Variants in CFAP410 observed in about 807,000 individuals in gnomAD.
CFAP410 encodes the protein cilia and flagella associated protein 410.
CFAP410 carries 27 observed loss-of-function variants against 25.7 expected under a neutral mutation model. The ratio of observed to expected loss-of-function variants is 1.05; its 90% CI spans 0.77 to 1.45. The LOEUF (loss-of-function observed/expected upper bound fraction) is 1.45, where lower values mean the gene tolerates loss of function less well. Ranked by LOEUF, CFAP410 falls within the 40% of genes most tolerant of loss-of-function variation. The pLI is 0.00. For missense variants in CFAP410, 428 were observed against 354.1 expected (o/e 1.21, Z -1.67); for synonymous variants, 178 against 158.4 (o/e 1.12, Z -0.93).
Position 44,339,253 on chromosome 21 carries a change from C to T in CFAP410, c.-59G>A. On this transcript the variant is annotated 5_prime_UTR_variant, in exon 1 of 7. Transcript: ENST00000339818. The stretch of plus-strand genomic sequence containing the variant: ...CGGCCTCCTGATCCCGGGCGGGTGA[C>T]GACTGCGCGGCGCGTGTCTCCAGGG... The T allele has an allele frequency of 2.6e-6, 3 of 1,143,518 alleles. No individual in the cohort carries two copies. The highest frequency in any genetic ancestry group is 1.7e-5 in the African/African-American group (1 of 60,470). 70.8% of individuals were successfully genotyped at this position (1,143,518 alleles called of 1,614,324 possible).
intron 1 of CFAP410, chr21:44,338,508 C>A: frequency 2.8e-6 from 1 of 356,598 alleles, no homozygotes; most frequent in South Asian, 2.0e-5. Flanking sequence ...ACCCTGGGAA[C>A]GGCCGCCCCC....
In CFAP410 at chr21:44,333,221, T is replaced by C; in HGVS notation, c.185A>G (p.Gln62Arg). ...ISTLEPVSRC[Q>R]RLSELYLRRN... is the part of the protein sequence containing the mutation. ...CCGCAGGTACAGCTCACTCAGGCGC[T>C]GGCACCGGCTCACAGGCTCCAGGGT... Residue 62 changes from glutamine to arginine, a missense_variant, in exon 4 of 7, where the codon CAG (glutamine) becomes CGG (arginine). Transcript: ENST00000339818. The C allele has an allele frequency of 6.2e-7, 1 of 1,612,836 alleles. No homozygotes were observed. Among genetic ancestry groups the C allele is most frequent in the Non-Finnish European group, 8.5e-7 (1 of 1,179,888 alleles).
In CFAP410 at chr21:44,333,076, G is replaced by T; in HGVS notation, c.330C>A (p.Thr110=). ...CGTSPHRYRM[T]VLRTLPRLQK... ...GTAGGCGCGGCAGGGTGCGCAGCAC[G>T]GTCATGCGGTAGCGGTGGGGGCTGG... The change falls in exon 4 of 7, where the codon ACC becomes ACA. Residue 110 remains threonine, a synonymous_variant. Transcript: ENST00000339818. 1 of 1,608,378 alleles carries T rather than the reference G, an allele frequency of 6.2e-7. No homozygotes were observed. The highest frequency in any genetic ancestry group is 1.7e-5 in the Admixed American group (1 of 59,762).
intron 3 of CFAP410, chr21:44,334,245 G>A: frequency 2.2e-6 from 1 of 456,320 alleles, no homozygotes; most frequent in South Asian, 1.5e-5. Context: ...TCCCTCCCGA[G>A]ATGTGACAGA....
chr21:44,335,539 AG>A, intron 3 of CFAP410: 1 of 594,068 alleles, frequency 1.7e-6, no homozygotes, highest in East Asian at 2.8e-5. Context: ...AGGAGCCATC[AG>A]GAGGCCCAGG....
At chr21:44,331,244 T>TG (rs2047642664) in intron 5 of CFAP410, 1 of 434,588 alleles carries the variant, frequency 2.3e-6, no homozygotes, top group Non-Finnish European at 4.2e-6. Flanking sequence ...CTCCTGACCA[T>TG]GGGGTCAGGC....
chr21:44,334,262 C>T (rs1384269252), intron 3 of CFAP410: 3 of 456,176 alleles, frequency 6.6e-6, no homozygotes, highest in African/African-American at 4.0e-5. Context: ...CAGAAATGGC[C>T]CCACACACGA....
chr21:44,329,986 G>C lies in CFAP410; in HGVS notation c.*212C>G, dbSNP rs2047611125. 1 of 574,352 alleles carries C rather than the reference G, an allele frequency of 1.7e-6. No individual in the cohort carries two copies. The highest frequency in any genetic ancestry group is 3.0e-5 in the East Asian group (1 of 33,382). The allele number at this position is 574,352 out of a possible 1,614,324, so 35.6% of individuals were successfully genotyped here. A position where few individuals can be genotyped will look rare whatever the true frequency, so the allele number is the denominator to read the frequency against. On this transcript the variant is annotated 3_prime_UTR_variant, in exon 7 of 7. Coordinates refer to ENST00000339818, the MANE Select transcript of CFAP410 (RefSeq NM_004928.3). ...AGAACCTCCAGACCACAGAAGGGGA[G>C]TCCTGGGGACAGGACTGGTGTAGAC...
Position 44,339,046 on chromosome 21 carries a change from TCCGGCTCCGCCCTCGCCCCGCC to T in CFAP410, c.77+50_77+71del, listed in dbSNP as rs555860989. The T allele has an allele frequency of 2.6e-4, 157 of 611,966 alleles. 1 individual carries two copies. The African/African-American group carries it at 3.5e-3, about 14-fold the overall frequency. The allele number at this position is 611,966 out of a possible 1,614,324, so 37.9% of individuals were successfully genotyped here. ...CCCTCTCCCCGCCCCGGCTCCTCCC[TCCGGCTCCGCCCTCGCCCCGCC>T]CCGGCTCCTCCCCCCACCCCGGGGC... On this transcript the variant is annotated intron_variant, in intron 1 of 6. Transcript: ENST00000339818.
chr21:44,333,772 A>G, intron 3 of CFAP410: 1 of 325,114 alleles, frequency 3.1e-6, no homozygotes, highest in South Asian at 2.5e-5. Flanking sequence ...CGCGTCAGAG[A>G]AGAGAAACAG....
intron 1 of CFAP410, among the ~76,000 whole-genome samples, chr21:44,337,881 G>A (rs1456131522): frequency 6.6e-6 from 1 of 152,124 alleles, no homozygotes; most frequent in African/African-American, 2.4e-5. Context: ...TTGACGTTGG[G>A]GTGGTACTTT....
intron 6 of CFAP410, chr21:44,330,612 C>A: frequency 1.3e-6 from 2 of 1,549,352 alleles, no homozygotes; most frequent in Non-Finnish European, 1.7e-6. Context: ...GGGGCCAGGA[C>A]GGCTCCGTGC....
chr21:44,333,001 G>C (rs1399221662), intron 4 of CFAP410, 32 bp downstream of exon 4: 2 of 1,434,820 alleles, frequency 1.4e-6, no homozygotes, highest in Non-Finnish European at 1.9e-6. Flanking sequence ...GATTGTTTTG[G>C]GAGGGCCGGT....
intron 1 of CFAP410, 36 bp downstream of exon 1, chr21:44,339,082 C>A: frequency 3.0e-6 from 4 of 1,351,996 alleles, no homozygotes; most frequent in Non-Finnish European, 3.9e-6. Context: ...GCTCCTCCCC[C>A]CACCCCGGGG....
rs764177807 is a variant in CFAP410 at position 44,330,921 on chromosome 21, TGA to T, written c.546-4_546-3del. On this transcript the variant is annotated splice_polypyrimidine_tract_variant and splice_region_variant and intron_variant, in intron 5 of 6. Coordinates refer to ENST00000339818, the MANE Select transcript of CFAP410 (RefSeq NM_004928.3). Reference sequence around the variant, plus strand: ...CCACGTTCATCCTGGGCGCCGCTGCTGAGAGGGAGACAAAGGCGTGTGAGGGT... The same window carrying T: ...CCACGTTCATCCTGGGCGCCGCTGCTGAGGGAGACAAAGGCGTGTGAGGGT... 24 of 1,585,956 alleles carry T rather than the reference TGA, an allele frequency of 1.5e-5. No individual in the cohort carries two copies. The South Asian group carries it at 2.6e-4, about 17-fold the overall frequency.
intron 3 of CFAP410, 48 bp from the exon 4 acceptor site, chr21:44,333,310 A>C: frequency 1.4e-6 from 2 of 1,463,846 alleles, no homozygotes; most frequent in South Asian, 2.4e-5. Flanking sequence ...CAGGGCCCCC[A>C]GGGCCACCTC....
At chr21:44,334,677 G>A (rs528604136) in intron 3 of CFAP410, 4 of 256,598 alleles carry the variant, frequency 1.6e-5, no homozygotes, top group African/African-American at 4.6e-5. Context: ...GCCATGCCTC[G>A]CCCAAGGTTA....
At position 44,329,910 on chromosome 21, in the gene CFAP410, A is replaced by G. The variant is rs1025880256; in HGVS notation, c.*288T>C. ...CAGATCAACCTTGGGAAAATCTTTT[A>G]TTAGGGAGGACAGCCTGCAAAATCC... On this transcript the variant is annotated 3_prime_UTR_variant, in exon 7 of 7. Coordinates refer to ENST00000339818, the MANE Select transcript of CFAP410 (RefSeq NM_004928.3). The G allele has an allele frequency of 5.2e-6, 2 of 381,846 alleles. No homozygotes were observed. Among genetic ancestry groups the G allele is most frequent in the African/African-American group, 4.2e-5 (2 of 47,554 alleles). 23.7% of individuals were successfully genotyped at this position (381,846 alleles called of 1,614,324 possible). A position where few individuals can be genotyped will look rare whatever the true frequency, so the allele number is the denominator to read the frequency against.
intron 3 of CFAP410, 178 bp from the exon 4 acceptor site, chr21:44,333,440 AG>A (rs879459346): frequency 9.8e-6 from 6 of 610,886 alleles, no homozygotes; most frequent in African/African-American, 1.8e-5. Flanking sequence ...AGAGAGCTGT[AG>A]GAAGGCCAGG....
Sources: allele counts gnomAD v4.1 joint callset (sites outside exome capture counted in the v4.1 genomes callset), GRCh38; gene constraint gnomAD v4.1.1; transcripts MANE v1.5; gene names NCBI Gene and HGNC (gene_info 2026-07-23, HGNC 2026-07-21).